The following NELL1 variants were observed in gnomAD, a reference collection of about 807,000 sequenced individuals.
The protein encoded by NELL1 is protein kinase C-binding protein NELL1.
NELL1 carries 76 observed loss-of-function variants against 107.4 expected under a neutral mutation model. The observed-to-expected ratio is 0.71, with a 90% CI of 0.59 to 0.86. The LOEUF (loss-of-function observed/expected upper bound fraction) is 0.86, where lower values mean the gene tolerates loss of function less well. NELL1 is among the 40% of genes least tolerant of loss of function. NELL1 has a pLI of 0.00. For missense variants in NELL1, 1,024 were observed against 1,005.5 expected (o/e 1.02, Z -0.25); for synonymous variants, 353 against 341.2 (o/e 1.03, Z -0.38).
At chr11:21,298,506 T>C (rs1377721565) in intron 14 of NELL1, among the ~76,000 whole-genome samples, 1 of 151,958 alleles carries the variant, frequency 6.6e-6, no homozygotes, top group Non-Finnish European at 1.5e-5. Context: ...AAGTAGTAGG[T>C]CTGAGAATTG....
chr11:21,190,259 G>A (rs967933955), intron 13 of NELL1, among the ~76,000 whole-genome samples: 1 of 151,720 alleles, frequency 6.6e-6, no homozygotes, highest in African/African-American at 2.4e-5. Flanking sequence ...GGCTGAAGCA[G>A]GAGAATTGCT....
intron 2 of NELL1, among the ~76,000 whole-genome samples, chr11:20,735,932 A>T (rs1213179557): frequency 6.6e-6 from 1 of 152,098 alleles, no homozygotes; most frequent in Non-Finnish European, 1.5e-5. Flanking sequence ...AGGGGTTGCT[A>T]ATTGCAGGAA....
chr11:21,525,497 T>G (rs1316867400), intron 15 of NELL1, among the ~76,000 whole-genome samples: 1 of 152,194 alleles, frequency 6.6e-6, no homozygotes, highest in Non-Finnish European at 1.5e-5. Context: ...CCTTAAACCT[T>G]TTAGCAGTCA....
At chr11:20,994,849 T>A (rs1309797727) in intron 12 of NELL1, among the ~76,000 whole-genome samples, 2 of 152,324 alleles carry the variant, frequency 1.3e-5, no homozygotes, top group African/African-American at 2.4e-5. Context: ...ACCATATGCT[T>A]TGGAGGCTGT....
intron 12 of NELL1, among the ~76,000 whole-genome samples, chr11:21,013,207 T>G (rs1454843992): frequency 6.6e-6 from 1 of 152,168 alleles, no homozygotes; most frequent in Non-Finnish European, 1.5e-5. Flanking sequence ...ACTGTTCTAA[T>G]TTTTTGCAAA....
At chr11:21,159,710 C>T (rs535015440) in intron 13 of NELL1, among the ~76,000 whole-genome samples, 3 of 152,154 alleles carry the variant, frequency 2.0e-5, no homozygotes, top group Non-Finnish European at 2.9e-5. Flanking sequence ...ATCTACACTG[C>T]AAAGTGGGGC....
chr11:21,281,462 A>G (rs993067549), intron 14 of NELL1, among the ~76,000 whole-genome samples: 1 of 152,068 alleles, frequency 6.6e-6, no homozygotes, highest in Admixed American at 6.5e-5. Context: ...TCTGTACCCA[A>G]CCAGGGCCTG....
At chr11:21,120,897 A>G (rs2133741220) in intron 13 of NELL1, among the ~76,000 whole-genome samples, 1 of 152,224 alleles carries the variant, frequency 6.6e-6, no homozygotes, top group East Asian at 1.9e-4. Flanking sequence ...CTTTCATATA[A>G]ATAGATAATT....
chr11:21,500,155 A>G (rs946674546), intron 15 of NELL1, among the ~76,000 whole-genome samples: 2 of 152,132 alleles, frequency 1.3e-5, no homozygotes, highest in African/African-American at 4.8e-5. Flanking sequence ...TGTCAGCATG[A>G]CAGAAAAATC....
At position 20,918,246 on chromosome 11, in the gene NELL1, TA is replaced by T; in HGVS notation, c.671del (p.Asn224IlefsTer11). ...GGATATATAACACAGTGTCCAAATC[TA>T]AATCACAGTAAGTAGCAACTTAAAG... Reference protein sequence around the residue: ...PNGYITQCPNLNHTCPTCSDF... With the variant: ...PNGYITQCPNXNHTCPTCSDF... On this transcript the variant is annotated frameshift_variant, in exon 6 of 20. Transcript: ENST00000357134. LOFTEE classifies it high-confidence loss of function. The T allele has an allele frequency of 6.4e-7, 1 of 1,557,308 alleles. No homozygotes were observed. The highest frequency in any genetic ancestry group is 8.9e-7 in the Non-Finnish European group (1 of 1,129,500).
At chr11:21,316,727 G>T (rs1849887981) in intron 14 of NELL1, among the ~76,000 whole-genome samples, 1 of 152,146 alleles carries the variant, frequency 6.6e-6, no homozygotes. Flanking sequence ...GATTCTAGCA[G>T]GTGGCATTTC....
At chr11:20,883,260 T>A (rs1849444123) in intron 4 of NELL1, among the ~76,000 whole-genome samples, 1 of 152,198 alleles carries the variant, frequency 6.6e-6, no homozygotes, top group Non-Finnish European at 1.5e-5. Flanking sequence ...CTTTAGCTGG[T>A]GATAGTGGGC....
intron 13 of NELL1, among the ~76,000 whole-genome samples, chr11:21,227,460 C>G (rs1857924339): frequency 6.6e-6 from 1 of 152,164 alleles, no homozygotes; most frequent in Non-Finnish European, 1.5e-5. Flanking sequence ...CCATTATCTA[C>G]TCATCTTTGT....
chr11:21,156,820 C>T (rs540855542), intron 13 of NELL1, among the ~76,000 whole-genome samples: 6 of 151,894 alleles, frequency 4.0e-5, no homozygotes, highest in African/African-American at 9.7e-5. Flanking sequence ...AGGCCAGATG[C>T]GGTGGCTCAT....
At chr11:21,230,140 C>G (rs1347416664) in intron 14 of NELL1, among the ~76,000 whole-genome samples, 2 of 152,130 alleles carry the variant, frequency 1.3e-5, no homozygotes, top group Non-Finnish European at 2.9e-5. Flanking sequence ...CTTTGACCAC[C>G]CTATCTAAAA....
rs568947960 is a variant in NELL1, at chr11:20,910,097, T to A, written c.604-8085T>A. ...CTGGCTGGTGGAGTTGGCCAAAGGCTGACTTAACTGGGATAGTCTCAGTGC... is the reference window on the plus strand; with the variant it reads ...CTGGCTGGTGGAGTTGGCCAAAGGCAGACTTAACTGGGATAGTCTCAGTGC... On this transcript the variant is annotated intron_variant, in intron 5 of 19. Coordinates refer to ENST00000357134, the MANE Select transcript of NELL1 (RefSeq NM_006157.5). 6.6e-5 allele frequency among the ~76,000 whole-genome samples: 10 copies of A among 152,292 alleles called. No individual in the cohort carries two copies. The South Asian group carries it at 2.1e-3, about 32-fold the overall frequency.
At chr11:20,948,546 T>C (rs1399565029) in intron 11 of NELL1, among the ~76,000 whole-genome samples, 1 of 152,048 alleles carries the variant, frequency 6.6e-6, no homozygotes, top group Non-Finnish European at 1.5e-5. Flanking sequence ...TTGTTAAGTA[T>C]AATTACCTTA....
rs111554917 is a variant in NELL1, at chr11:21,560,229, C to T, written c.1827C>T (p.Asn609=). ...CCTTAAGAACTCACACCTGTTGGAA[C>T]GATTCTGCCTGCATCAACCTGGCAG... ...ECALRTHTCW[N]DSACINLAGG... is the part of the protein sequence containing the mutation. Residue 609 remains asparagine (N), a synonymous_variant, in exon 17 of 20, where the codon AAC becomes AAT. Transcript: ENST00000357134. The T allele has an allele frequency of 2.2e-5, 36 of 1,613,700 alleles. No individual in the cohort carries two copies. Among genetic ancestry groups the T allele is most frequent in the African/African-American group, 6.7e-5 (5 of 75,008 alleles).
At chr11:20,811,004 A>G (rs1248219015) in intron 3 of NELL1, among the ~76,000 whole-genome samples, 1 of 152,106 alleles carries the variant, frequency 6.6e-6, no homozygotes. Context: ...TTAGTTTGAT[A>G]CAATCCTATT....
Sources: gnomAD v4.1 joint callset for allele counts (sites outside exome capture counted in the v4.1 genomes callset) on GRCh38, gnomAD v4.1.1 for gene constraint, MANE v1.5 for transcripts, NCBI Gene and HGNC (gene_info 2026-07-23, HGNC 2026-07-21) for gene names.